The following G2E3 variants were observed in gnomAD, a reference collection of about 807,000 sequenced individuals.
The protein encoded by G2E3 is G2/M phase-specific E3 ubiquitin-protein ligase.
A neutral mutation model predicts 92.8 loss-of-function variants in G2E3; 35 were observed. The observed-to-expected ratio is 0.38, with a 90% confidence interval of 0.29 to 0.50. The LOEUF (loss-of-function observed/expected upper bound fraction) is 0.50. G2E3 is among the 20% of genes least tolerant of loss of function. The pLI, the probability that G2E3 is intolerant of heterozygous loss-of-function variation, is 0.94. For synonymous variants in G2E3, 242 were observed against 272.4 expected, an observed-to-expected ratio of 0.89 and a Z score of 1.10; for missense variants, 554 against 823.8, an observed-to-expected ratio of 0.67 and a Z score of 4.01.
At chr14:30,601,022 A>T (rs1009568185) in intron 8 of G2E3, among the ~76,000 whole-genome samples, 1 of 152,154 alleles carries the variant, frequency 6.6e-6, no homozygotes, top group Non-Finnish European at 1.5e-5. Flanking sequence ...ACACACATAC[A>T]CAGGACAGAA....
chr14:30,593,603 T>C lies in G2E3; in HGVS notation c.492T>C (p.Cys164=). ...IPSYNILRSP[C]CKNAWFHRDC... ...GTTATAACATATTACGAAGTCCTTG[T>C]TGTAAGAACGCTTGGTTTCATAGAG... The change falls in exon 6 of 15, where the codon TGT becomes TGC. Residue 164 remains cysteine (C), a synonymous_variant. Transcript: ENST00000206595. 4 of 1,609,042 alleles carry C rather than the reference T, an allele frequency of 2.5e-6. No individual in the cohort carries two copies. Among genetic ancestry groups the C allele is most frequent in the Non-Finnish European group, 3.4e-6 (4 of 1,175,854 alleles).
chr14:30,576,919 T>G (rs753918247), intron 1 of G2E3, among the ~76,000 whole-genome samples: 4 of 152,110 alleles, frequency 2.6e-5, no homozygotes, highest in Non-Finnish European at 4.4e-5. Context: ...TCAGTAAGAT[T>G]AGGCACTTTA....
intron 8 of G2E3, among the ~76,000 whole-genome samples, chr14:30,599,568 C>T (rs144065087): frequency 1.3e-5 from 2 of 152,116 alleles, no homozygotes; most frequent in African/African-American, 4.8e-5. Context: ...ATATAGTCAC[C>T]TTCTGATGTA....
chr14:30,560,982 C>T lies in G2E3; in HGVS notation c.-5+1710C>T, dbSNP rs1594453051. On this transcript the variant is annotated intron_variant, in intron 1 of 14. Coordinates refer to ENST00000206595, the MANE Select transcript of G2E3 (RefSeq NM_017769.5). The stretch of plus-strand genomic sequence containing the variant: ...TCTCCACCACTTGATAGCTAGGTGA[C>T]CCTGGGCAAGCTGTTTAACCTCTCT... The T allele has an allele frequency of 1.5e-5, 9 of 598,072 alleles. No individual in the cohort carries two copies. In the East Asian group the frequency reaches 1.9e-4, roughly 13 times the overall value. 37.0% of individuals were successfully genotyped at this position (598,072 alleles called of 1,614,324 possible).
At chr14:30,584,694 T>C (rs569739392) in intron 2 of G2E3, among the ~76,000 whole-genome samples, 1 of 152,280 alleles carries the variant, frequency 6.6e-6, no homozygotes, top group African/African-American at 2.4e-5. Context: ...TTTGGAGAAA[T>C]GTCTATTCAA....
chr14:30,597,345 A>G, intron 6 of G2E3, 75 bp from the exon 7 acceptor site: 1 of 788,450 alleles, frequency 1.3e-6, no homozygotes, highest in East Asian at 2.5e-5. Context: ...AAAATAGCAC[A>G]TGTTCTGTTA....
At chr14:30,586,224 C>G (rs544303939) in intron 2 of G2E3, among the ~76,000 whole-genome samples, 10 of 152,294 alleles carry the variant, frequency 6.6e-5, no homozygotes, top group Non-Finnish European at 1.5e-4. Flanking sequence ...CCATTTTACC[C>G]CCTCTTGGAC....
chr14:30,611,366 TGAAAA>T (rs1431508233), intron 12 of G2E3: 1 of 152,236 alleles, frequency 6.6e-6, no homozygotes, highest in Non-Finnish European at 1.5e-5. Flanking sequence ...TTTGAATGAA[TGAAAA>T]GAAGTCATGT....
intron 3 of G2E3, 65 bp downstream of exon 3, chr14:30,586,880 C>T (rs1160132952): frequency 5.8e-6 from 3 of 519,058 alleles, no homozygotes; most frequent in Admixed American, 3.5e-5. Context: ...AAGATTCTGA[C>T]ACTGATTTCT....
rs767991087 is a variant in G2E3, at chr14:30,607,953, C to T, written c.1384C>T (p.Pro462Ser). 2.5e-6 allele frequency: 4 copies of T among 1,607,368 alleles called. No homozygotes were observed. Among genetic ancestry groups the T allele is most frequent in the Non-Finnish European group, 3.4e-6 (4 of 1,177,040 alleles). The change falls in exon 12 of 15, where the codon CCT becomes TCT. Residue 462 changes from proline to serine, a missense_variant. By Grantham distance (74) the Pro-to-Ser change is moderately conservative. This residue lies in a region of G2E3 where 397 missense variants were observed against 560.3 expected (regional missense o/e 0.71). Transcript: ENST00000206595. ...TGCCATTTCTTTAGTTCACGGTGGT[C>T]CTTCACCTGGTTTCTTTTCTAAAAC... ...MLAISLVHGG[P>S]SPGFFSKTLF...
At chr14:30,564,506 AT>A (rs34534669) in intron 1 of G2E3, among the ~76,000 whole-genome samples, 4 of 151,848 alleles carry the variant, frequency 2.6e-5, no homozygotes, top group African/African-American at 7.3e-5. Flanking sequence ...CTAATTAAAA[AT>A]TTTTTTTATA....
At position 30,570,677 on chromosome 14, in the gene G2E3, A is replaced by G. The variant is rs186060681; in HGVS notation, c.-4-10399A>G. Reference sequence around the variant, plus strand: ...TGTACTTTTCAGCTGCAGAATTTCTATTTCCTTTTTATCATTTCTACTTCT... The same window carrying G: ...TGTACTTTTCAGCTGCAGAATTTCTGTTTCCTTTTTATCATTTCTACTTCT... On this transcript the variant is annotated intron_variant, in intron 1 of 14. Transcript: ENST00000206595. Among the ~76,000 whole-genome samples, 561 of 151,866 alleles carry G rather than the reference A, an allele frequency of 3.7e-3. 2 individuals carry two copies. Among genetic ancestry groups the G allele is most frequent in the Admixed American group, 7.5e-3 (114 of 15,260 alleles).
intron 1 of G2E3, among the ~76,000 whole-genome samples, chr14:30,570,514 G>C (rs1446299367): frequency 6.6e-6 from 1 of 151,970 alleles, no homozygotes; most frequent in Non-Finnish European, 1.5e-5. Flanking sequence ...CTTGGGCTCT[G>C]TTTATTTTTC....
At chr14:30,597,625 A>G (rs1881352740) in intron 7 of G2E3, 99 bp downstream of exon 7, 2 of 715,756 alleles carry the variant, frequency 2.8e-6, no homozygotes, top group Non-Finnish European at 4.9e-6. Flanking sequence ...GTGAGCATGG[A>G]CAGGTAGCCA....
At chr14:30,607,511 A>G (rs4981763) in intron 11 of G2E3, among the ~76,000 whole-genome samples, 8,679 of 152,230 alleles carry the variant, frequency 0.057, 315 homozygotes, top group African/African-American at 0.092. Flanking sequence ...GCATTGTGCT[A>G]TGACAGTATA....
At chr14:30,609,112 T>C (rs1049869013) in intron 12 of G2E3, among the ~76,000 whole-genome samples, 5 of 152,230 alleles carry the variant, frequency 3.3e-5, no homozygotes, top group Non-Finnish European at 5.9e-5. Flanking sequence ...GTAAGCACTA[T>C]TGAAGTGTGA....
At chr14:30,580,865 TA>T in intron 1 of G2E3, 1 of 483,434 alleles carries the variant, frequency 2.1e-6, no homozygotes, top group Non-Finnish European at 3.8e-6. Flanking sequence ...TTTTGACAGC[TA>T]AAAAACATTC....
At chr14:30,597,241 A>G (rs183585467) in intron 6 of G2E3, among the ~76,000 whole-genome samples, 179 bp from the exon 7 acceptor site, 61 of 152,324 alleles carry the variant, frequency 4.0e-4, no homozygotes, top group African/African-American at 1.5e-3. Context: ...ATTGGAAAAA[A>G]GAATTATAGA....
intron 5 of G2E3, among the ~76,000 whole-genome samples, chr14:30,593,155 G>A (rs942926907): frequency 9.2e-5 from 14 of 152,202 alleles, no homozygotes; most frequent in East Asian, 1.9e-4. Flanking sequence ...TGAGCACAAC[G>A]TATGCACCCA....
Sources: allele counts gnomAD v4.1 joint callset (sites outside exome capture counted in the v4.1 genomes callset), GRCh38; gene constraint gnomAD v4.1.1; regional missense constraint gnomAD v4.1.1; transcripts MANE v1.5; gene names NCBI Gene and HGNC (gene_info 2026-07-23, HGNC 2026-07-21).